TAFA1: variants seen among roughly 807,000 people sequenced by gnomAD.
TAFA1 encodes the protein chemokine-like protein TAFA-1.
In TAFA1, 4 loss-of-function variants were observed where a neutral mutation model predicts 18.5. The observed-to-expected ratio is 0.22, with a 90% CI of 0.11 to 0.49. The LOEUF is 0.49. Among genes scored for constraint, TAFA1 ranks in the 20% least tolerant of loss-of-function variants. The probability of loss-of-function intolerance (pLI) is 0.98; values close to 1 mark genes in which losing one functional copy is unlikely to be tolerated. For missense variants in TAFA1, 147 were observed against 169.0 expected (o/e 0.87, Z 0.72); for synonymous variants, 56 against 55.2 (o/e 1.01, Z -0.06).
At chr3:68,075,747 A>G (rs1575603032) in intron 2 of TAFA1, among the ~76,000 whole-genome samples, 1 of 149,662 alleles carries the variant, frequency 6.7e-6, no homozygotes, top group East Asian at 2.0e-4. Flanking sequence ...CCCAGGCTAG[A>G]GTACAGTGGT....
intron 2 of TAFA1, among the ~76,000 whole-genome samples, chr3:68,407,170 A>G (rs1203490402): frequency 6.6e-6 from 1 of 152,050 alleles, no homozygotes; most frequent in East Asian, 1.9e-4. Context: ...TAAGAGTTAT[A>G]TTTTTCCCAC....
intron 2 of TAFA1, among the ~76,000 whole-genome samples, chr3:68,387,059 A>G (rs994144793): frequency 6.8e-6 from 1 of 146,682 alleles, no homozygotes; most frequent in Non-Finnish European, 1.5e-5. Flanking sequence ...GCCTAATTTT[A>G]TTTTTTTTTT....
intron 2 of TAFA1, among the ~76,000 whole-genome samples, chr3:68,174,645 C>T (rs1575661120): frequency 6.6e-6 from 1 of 152,146 alleles, no homozygotes; most frequent in South Asian, 2.1e-4. Flanking sequence ...AGCAGCAAAG[C>T]ATTCAAGAGG....
intron 2 of TAFA1, among the ~76,000 whole-genome samples, chr3:68,410,318 A>G (rs2070689666): frequency 6.6e-6 from 1 of 152,082 alleles, no homozygotes; most frequent in African/African-American, 2.4e-5. Flanking sequence ...AAGGAATGAG[A>G]AGAAAGTCCA....
intron 3 of TAFA1, among the ~76,000 whole-genome samples, chr3:68,527,033 A>G (rs2106764378): frequency 6.6e-6 from 1 of 152,310 alleles, no homozygotes; most frequent in Middle Eastern, 3.4e-3. Context: ...TAAGACATGT[A>G]TTTAATAAGC....
At chr3:68,309,179 T>G (rs2068473485) in intron 2 of TAFA1, among the ~76,000 whole-genome samples, 1 of 152,188 alleles carries the variant, frequency 6.6e-6, no homozygotes, top group South Asian at 2.1e-4. Context: ...GTGAAATATT[T>G]GTCTATTCTG....
intron 2 of TAFA1, among the ~76,000 whole-genome samples, chr3:68,067,184 A>T (rs1032165361): frequency 6.6e-6 from 1 of 152,194 alleles, no homozygotes; most frequent in African/African-American, 2.4e-5. Context: ...TCCTTGTGAC[A>T]TCTACATTTT....
chr3:68,029,255 A>G (rs897318263), intron 2 of TAFA1, among the ~76,000 whole-genome samples: 1 of 152,202 alleles, frequency 6.6e-6, no homozygotes, highest in African/African-American at 2.4e-5. Flanking sequence ...AGCCCACTAC[A>G]ATTATGTCTA....
intron 3 of TAFA1, among the ~76,000 whole-genome samples, chr3:68,494,033 T>C (rs1439076690): frequency 6.6e-6 from 1 of 152,186 alleles, no homozygotes; most frequent in African/African-American, 2.4e-5. Flanking sequence ...TTCTTGAAAA[T>C]TAGGACTAAT....
chr3:68,374,360 C>G (rs2069768186), intron 2 of TAFA1, among the ~76,000 whole-genome samples: 1 of 152,104 alleles, frequency 6.6e-6, no homozygotes, highest in African/African-American at 2.4e-5. Context: ...AAGGGCTTGT[C>G]TCTGTAAAGA....
intron 3 of TAFA1, among the ~76,000 whole-genome samples, chr3:68,424,646 AG>A (rs1480708594): frequency 7.9e-5 from 12 of 151,956 alleles, no homozygotes; most frequent in African/African-American, 2.7e-4. Flanking sequence ...GTAGAGAAAA[AG>A]GTTTGATAAT....
intron 3 of TAFA1, among the ~76,000 whole-genome samples, chr3:68,513,099 T>C (rs1433272625): frequency 1.3e-5 from 2 of 152,142 alleles, no homozygotes; most frequent in East Asian, 3.9e-4. Flanking sequence ...ATGGCAAACA[T>C]GGTATCAATG....
intron 2 of TAFA1, among the ~76,000 whole-genome samples, chr3:68,011,125 G>T (rs1253004926): frequency 3.4e-5 from 5 of 146,860 alleles, no homozygotes; most frequent in African/African-American, 1.3e-4. Flanking sequence ...GAATGTGTGT[G>T]TGTGGGGGGT....
chr3:68,212,436 A>T (rs1466688529), intron 2 of TAFA1, among the ~76,000 whole-genome samples: 3 of 152,012 alleles, frequency 2.0e-5, no homozygotes, highest in Non-Finnish European at 4.4e-5. Context: ...TAGTTAAAAA[A>T]TAGAGGGTCA....
intron 3 of TAFA1, among the ~76,000 whole-genome samples, chr3:68,514,120 G>A (rs148482847): frequency 2.0e-5 from 3 of 152,150 alleles, no homozygotes; most frequent in South Asian, 2.1e-4. Flanking sequence ...TCCCATTTGC[G>A]AGGGCTCCAT....
intron 2 of TAFA1, among the ~76,000 whole-genome samples, chr3:68,405,094 T>G (rs1412581865): frequency 1.3e-5 from 2 of 152,166 alleles, no homozygotes; most frequent in Non-Finnish European, 2.9e-5. Flanking sequence ...TTCAGAGTCA[T>G]CATATTGCAG....
intron 2 of TAFA1, 58 bp from the exon 3 acceptor site, chr3:68,417,222 G>C: frequency 6.6e-7 from 1 of 1,507,214 alleles, no homozygotes; most frequent in Non-Finnish European, 9.2e-7. Flanking sequence ...ACTCCCAGGG[G>C]CTCGAATAGT....
intron 2 of TAFA1, among the ~76,000 whole-genome samples, chr3:68,276,685 T>C (rs1163027175): frequency 2.0e-5 from 3 of 152,234 alleles, no homozygotes; most frequent in Admixed American, 6.5e-5. Flanking sequence ...AGTTTTACTT[T>C]ATAAATATGT....
At chr3:68,322,743 G>C (rs1050870646) in intron 2 of TAFA1, among the ~76,000 whole-genome samples, 1 of 152,118 alleles carries the variant, frequency 6.6e-6, no homozygotes, top group Non-Finnish European at 1.5e-5. Flanking sequence ...AGGACTTCAA[G>C]ACCAGCCTGG....
Sources: allele counts gnomAD v4.1 joint callset (sites outside exome capture counted in the v4.1 genomes callset), GRCh38; gene constraint gnomAD v4.1.1; transcripts MANE v1.5; gene names NCBI Gene and HGNC (gene_info 2026-07-23, HGNC 2026-07-21).